The following POC1B variants were observed in gnomAD, a reference collection of about 807,000 sequenced individuals.
The protein encoded by POC1B is POC1 centriolar protein B, also known as POC1 centriolar protein homolog B.
POC1B carries 44 observed loss-of-function variants against 60.6 expected under a neutral mutation model. The observed-to-expected ratio is 0.73, with a 90% CI of 0.57 to 0.93. The LOEUF is 0.93. Among genes scored for constraint, POC1B ranks in the 40% least tolerant of loss-of-function variants. The probability of loss-of-function intolerance (pLI) is 0.00; values close to 1 mark genes in which losing one functional copy is unlikely to be tolerated. For missense variants in POC1B, 555 were observed against 572.3 expected (o/e 0.97, Z 0.31); for synonymous variants, 180 against 198.9 (o/e 0.90, Z 0.80).
intron 2 of POC1B, among the ~76,000 whole-genome samples, chr12:89,503,226 T>C (rs10777173): frequency 0.72 from 109,439 of 151,392 alleles, 39,598 homozygotes; most frequent in Middle Eastern, 0.82. Flanking sequence ...CTGATTCTCC[T>C]GCCTCAGCCT....
At chr12:89,507,948 G>A (rs754761853) in intron 2 of POC1B, among the ~76,000 whole-genome samples, 17 of 152,270 alleles carry the variant, frequency 1.1e-4, no homozygotes, top group South Asian at 4.1e-4. Flanking sequence ...ATTATCTTAC[G>A]TATCTTTTCA....
chr12:89,515,103 T>G (rs1203318850), intron 2 of POC1B, among the ~76,000 whole-genome samples: 1 of 152,128 alleles, frequency 6.6e-6, no homozygotes, highest in Admixed American at 6.5e-5. Context: ...TGTCAGCTAC[T>G]TCAGGTCACA....
intron 10 of POC1B, among the ~76,000 whole-genome samples, chr12:89,444,048 AAC>A (rs1202754549): frequency 6.6e-6 from 1 of 152,204 alleles, no homozygotes; most frequent in Non-Finnish European, 1.5e-5. Flanking sequence ...CCCAAGACTA[AAC>A]TAGGAAGAAG....
the POC1B span, among the ~76,000 whole-genome samples, chr12:89,407,177 C>T: frequency 6.8e-6 from 1 of 146,926 alleles, no homozygotes; most frequent in Non-Finnish European, 1.5e-5. Context: ...AAAAAGGAAA[C>T]CAGAAATCTA....
intron 9 of POC1B, among the ~76,000 whole-genome samples, chr12:89,464,671 A>G (rs1290524202): frequency 6.6e-6 from 1 of 151,468 alleles, no homozygotes; most frequent in Non-Finnish European, 1.5e-5. Context: ...TATTTTTAGT[A>G]GAGACGGGAT....
intron 4 of POC1B, among the ~76,000 whole-genome samples, chr12:89,488,197 C>T (rs950715640): frequency 3.3e-5 from 5 of 152,132 alleles, no homozygotes; most frequent in Non-Finnish European, 7.4e-5. Context: ...TAATTTACTT[C>T]CATAAAAAAT....
chr12:89,440,332 T>C (rs1881458550), intron 10 of POC1B, among the ~76,000 whole-genome samples: 1 of 152,178 alleles, frequency 6.6e-6, no homozygotes, highest in South Asian at 2.1e-4. Flanking sequence ...AACAAGCTAG[T>C]TGGCCCCAGT....
At chr12:89,477,395 T>C (rs752193438) in intron 4 of POC1B, among the ~76,000 whole-genome samples, 1 of 152,158 alleles carries the variant, frequency 6.6e-6, no homozygotes, top group Non-Finnish European at 1.5e-5. Flanking sequence ...ACCATCTATG[T>C]GCCCAGAATT....
At chr12:89,402,607 G>C in the POC1B span, among the ~76,000 whole-genome samples, 1 of 152,082 alleles carries the variant, frequency 6.6e-6, no homozygotes, top group Admixed American at 6.5e-5. Flanking sequence ...CAACTTACAA[G>C]TCAGAACATG....
intron 10 of POC1B, among the ~76,000 whole-genome samples, chr12:89,435,137 T>C (rs1171280501): frequency 1.3e-5 from 2 of 151,566 alleles, no homozygotes; most frequent in African/African-American, 4.8e-5. Flanking sequence ...CTGGATACAG[T>C]TGAAAAACTG....
chr12:89,497,679 A>G (rs1347418263), intron 2 of POC1B, among the ~76,000 whole-genome samples: 1 of 152,204 alleles, frequency 6.6e-6, no homozygotes, highest in East Asian at 1.9e-4. Context: ...ACTCTGGGTA[A>G]TGGAAAGCTA....
chr12:89,513,980 G>C (rs779107444), intron 2 of POC1B, among the ~76,000 whole-genome samples: 2 of 152,114 alleles, frequency 1.3e-5, no homozygotes, highest in Non-Finnish European at 2.9e-5. Flanking sequence ...CACTTCACAG[G>C]CTATTTTGTT....
intron 2 of POC1B, chr12:89,501,606 TAGTG>T: frequency 7.3e-7 from 1 of 1,374,408 alleles, no homozygotes; most frequent in Non-Finnish European, 1.0e-6. Flanking sequence ...AGCGCTTTTC[TAGTG>T]AGTCCAAGAA....
intron 10 of POC1B, among the ~76,000 whole-genome samples, chr12:89,458,934 GAATA>G (rs1317919522): frequency 3.3e-5 from 5 of 152,162 alleles, no homozygotes; most frequent in South Asian, 2.1e-4. Flanking sequence ...TGAAAACACT[GAATA>G]AATAAATTTT....
intron 10 of POC1B, among the ~76,000 whole-genome samples, chr12:89,450,177 A>G (rs760158550): frequency 6.6e-6 from 1 of 152,070 alleles, no homozygotes; most frequent in Non-Finnish European, 1.5e-5. Flanking sequence ...AAAGGAAAAC[A>G]TATTTGTAGC....
intron 4 of POC1B, among the ~76,000 whole-genome samples, chr12:89,490,839 G>A (rs1392104233): frequency 6.6e-6 from 1 of 152,138 alleles, no homozygotes; most frequent in African/African-American, 2.4e-5. Context: ...GTGACAGCTC[G>A]TACTGCCAGT....
At chr12:89,408,436 G>A in the POC1B span, among the ~76,000 whole-genome samples, 112 of 150,516 alleles carry the variant, frequency 7.4e-4, no homozygotes, top group African/African-American at 2.2e-3. Context: ...GTGTAAAAGC[G>A]TTCCTATTTC....
chr12:89,444,733 A>G (rs1565899335), intron 10 of POC1B, among the ~76,000 whole-genome samples: 1 of 152,204 alleles, frequency 6.6e-6, no homozygotes, highest in African/African-American at 2.4e-5. Flanking sequence ...CCAATTGAAC[A>G]TAGTGTTGGA....
In POC1B at chr12:89,425,222, A is replaced by G. The variant is rs757794354; in HGVS notation, c.1271T>C (p.Ile424Thr). The G allele has an allele frequency of 1.9e-6, 3 of 1,614,132 alleles. No individual in the cohort carries two copies. The highest frequency in any genetic ancestry group is 2.5e-6 in the Non-Finnish European group (3 of 1,179,994). Residue 424 changes from isoleucine to threonine, a missense_variant, in exon 11 of 12, where the codon ATA becomes ACA. Ile to Thr is a moderately conservative substitution (Grantham distance 89, BLOSUM62 -1). Coordinates refer to ENST00000313546, the MANE Select transcript of POC1B (RefSeq NM_172240.3). ...SDLPCESQRS[I>T]PLAVTDALEH... is the part of the protein sequence containing the mutation. Reference sequence around the variant, plus strand: ...TAAAGCATCAGTCACAGCGAGAGGTATGCTCCTTTGACTTTCACAGGGGAG... The same window carrying G: ...TAAAGCATCAGTCACAGCGAGAGGTGTGCTCCTTTGACTTTCACAGGGGAG...
Sources: gnomAD v4.1 joint callset for allele counts (sites outside exome capture counted in the v4.1 genomes callset) on GRCh38, gnomAD v4.1.1 for gene constraint, MANE v1.5 for transcripts, NCBI Gene and HGNC (gene_info 2026-07-23, HGNC 2026-07-21) for gene names.